GABRA4: variants seen among roughly 807,000 people sequenced by gnomAD.
GABRA4 encodes gamma-aminobutyric acid receptor subunit alpha-4.
In GABRA4, 12 loss-of-function variants were observed where a neutral mutation model predicts 49.7. The observed-to-expected ratio is 0.24, with a 90% CI of 0.15 to 0.39. The LOEUF (loss-of-function observed/expected upper bound fraction) is 0.39. Among genes scored for constraint, GABRA4 ranks in the 10% least tolerant of loss-of-function variants. GABRA4 has a pLI of 1.00. For synonymous variants in GABRA4, 288 were observed against 240.2 expected (o/e 1.20, Z -1.84); for missense variants, 506 against 686.0 (o/e 0.74, Z 2.93).
chr4:46,974,280 C>A lies in GABRA4; in HGVS notation c.673G>T (p.Asp225Tyr). The A allele has an allele frequency of 6.2e-7, 1 of 1,611,528 alleles. No homozygotes were observed. The highest frequency in any genetic ancestry group is 8.5e-7 in the Non-Finnish European group (1 of 1,178,428). The stretch of plus-strand genomic sequence containing the variant: ...CTTGATACGGTTTGCCCAATCAAAT[C>A]ATATTGAACTAAGCTGGAAGACTCC... ...PKESSSLVQY[D>Y]LIGQTVSSET... is the part of the protein sequence containing the mutation. Residue 225 changes from aspartate (D) to tyrosine (Y), a missense_variant, in exon 6 of 9, where the codon GAT becomes TAT. By Grantham distance (160) the Asp-to-Tyr change is radical. Transcript: ENST00000264318.
chr4:46,955,011 T>G (rs180954111), intron 8 of GABRA4, among the ~76,000 whole-genome samples: 2 of 152,228 alleles, frequency 1.3e-5, no homozygotes, highest in East Asian at 2.0e-4. Context: ...GTAAAGCAAC[T>G]AGCACAGTAT....
Position 46,972,892 on chromosome 4 carries a change from C to T in GABRA4, c.721+1340G>A, listed in dbSNP as rs113551741. Reference sequence around the variant, plus strand: ...CAAAAACAAAAAAAAACTTTGTTACCTCACATCTTTGCTCCAGATCTTAAA... The same window carrying T: ...CAAAAACAAAAAAAAACTTTGTTACTTCACATCTTTGCTCCAGATCTTAAA... On this transcript the variant is annotated intron_variant, in intron 6 of 8. Coordinates refer to ENST00000264318, the MANE Select transcript of GABRA4 (RefSeq NM_000809.4). Among the ~76,000 whole-genome samples the T allele has an allele frequency of 1.3e-3, 204 of 151,754 alleles. 1 individual carries two copies. The highest frequency in any genetic ancestry group is 4.6e-3 in the African/African-American group (192 of 41,464).
intron 8 of GABRA4, among the ~76,000 whole-genome samples, chr4:46,933,789 A>T (rs1721520261): frequency 6.6e-6 from 1 of 152,196 alleles, no homozygotes; most frequent in Non-Finnish European, 1.5e-5. Context: ...GGTTTCGAAC[A>T]AGAAAAAGCA....
chr4:46,965,380 G>A, intron 7 of GABRA4, 151 bp from the exon 8 acceptor site: 1 of 573,506 alleles, frequency 1.7e-6, no homozygotes, highest in Non-Finnish European at 2.8e-6. Flanking sequence ...TGGAGAATTG[G>A]AATCTTAGTG....
chr4:46,962,506 C>T (rs943506318), intron 8 of GABRA4, among the ~76,000 whole-genome samples: 4 of 151,758 alleles, frequency 2.6e-5, no homozygotes, highest in African/African-American at 9.7e-5. Flanking sequence ...TTGGAAGAAT[C>T]AATATTAATA....
rs113456537 is a variant in GABRA4, at chr4:46,951,538, T to G, written c.1134+13432A>C. Among the ~76,000 whole-genome samples the G allele has an allele frequency of 2.7e-4, 41 of 152,014 alleles. 1 individual carries two copies. The highest frequency in any genetic ancestry group is 9.9e-4 in the African/African-American group (41 of 41,526). On this transcript the variant is annotated intron_variant, in intron 8 of 8. Transcript: ENST00000264318. ...CTTTGTAATTAAAGAGTTGACTTTC[T>G]GCTTTTTGAATACAGAGTCCTTGCC...
At chr4:46,964,598 T>G (rs1722687353) in intron 8 of GABRA4, among the ~76,000 whole-genome samples, 1 of 151,858 alleles carries the variant, frequency 6.6e-6, no homozygotes. Context: ...AAACAAAAAC[T>G]AACTGCTGCT....
At chr4:46,987,986 T>C (rs1354140121) in intron 2 of GABRA4, among the ~76,000 whole-genome samples, 2 of 152,120 alleles carry the variant, frequency 1.3e-5, no homozygotes, top group African/African-American at 2.4e-5. Context: ...CCCATGAGAT[T>C]CTTCTTCTTG....
chr4:46,986,288 A>G (rs763962862), intron 2 of GABRA4, among the ~76,000 whole-genome samples: 6 of 151,984 alleles, frequency 3.9e-5, no homozygotes, highest in African/African-American at 9.7e-5. Flanking sequence ...AATGCACTCA[A>G]TCAGACTTTC....
At chr4:46,972,959 G>A (rs575429966) in intron 6 of GABRA4, among the ~76,000 whole-genome samples, 16 of 151,706 alleles carry the variant, frequency 1.1e-4, no homozygotes, top group Non-Finnish European at 1.8e-4. Flanking sequence ...ATTTTATCTC[G>A]CAGTCAACAC....
At chr4:46,970,997 G>A (rs946030512) in intron 7 of GABRA4, 86 bp downstream of exon 7, 2 of 1,254,196 alleles carry the variant, frequency 1.6e-6, no homozygotes, top group Non-Finnish European at 2.2e-6. Context: ...GATGTATTAG[G>A]GTTTAAGATT....
intron 2 of GABRA4, among the ~76,000 whole-genome samples, chr4:46,988,747 C>A (rs1353296250): frequency 6.6e-6 from 1 of 152,110 alleles, no homozygotes; most frequent in Admixed American, 6.5e-5. Flanking sequence ...AACTTAGTAG[C>A]AAGAAGGTAT....
rs1163630512 is a variant in GABRA4, at chr4:46,925,293, T to C, written c.*2932A>G. 1 of 151,950 alleles carries C rather than the reference T, an allele frequency of 6.6e-6. No individual in the cohort carries two copies. The highest frequency in any genetic ancestry group is 2.4e-5 in the African/African-American group (1 of 41,406). 9.4% of individuals were successfully genotyped at this position (151,950 alleles called of 1,614,324 possible). On this transcript the variant is annotated 3_prime_UTR_variant, in exon 9 of 9. Transcript: ENST00000264318. ...GTGAGGTCCAATTTAAAATATACATTATTCAAAGTACTATGTATATGCACA... is the reference window on the plus strand; with the variant it reads ...GTGAGGTCCAATTTAAAATATACATCATTCAAAGTACTATGTATATGCACA...
chr4:46,965,264 T>C, intron 7 of GABRA4, 35 bp from the exon 8 acceptor site: 1 of 1,367,678 alleles, frequency 7.3e-7, no homozygotes, highest in Non-Finnish European at 9.5e-7. Flanking sequence ...CAAAACACCT[T>C]ACCATCATTT....
intron 6 of GABRA4, 105 bp from the exon 7 acceptor site, chr4:46,971,340 A>G (rs1381121808): frequency 2.6e-5 from 28 of 1,063,170 alleles, no homozygotes; most frequent in Non-Finnish European, 3.7e-5. Context: ...AAGGAAAGAA[A>G]TTCTCTTTTG....
In GABRA4 at chr4:46,921,597, A is replaced by G. The variant is rs1721037745; in HGVS notation, c.*6628T>C. The G allele has an allele frequency of 6.6e-6, 1 of 152,056 alleles. No individual in the cohort carries two copies. Among genetic ancestry groups the G allele is most frequent in the African/African-American group, 2.4e-5 (1 of 41,434 alleles). The allele number at this position is 152,056 out of a possible 1,614,324, so 9.4% of individuals were successfully genotyped here. ...TAATCTAGGTTTAATGCTTGATTCC[A>G]GTGACATCTGATATACAGAAGGTAA... is the stretch of plus-strand genomic sequence containing the variant. On this transcript the variant is annotated 3_prime_UTR_variant, in exon 9 of 9. Coordinates refer to ENST00000264318, the MANE Select transcript of GABRA4 (RefSeq NM_000809.4).
At chr4:46,957,883 G>A (rs1179583971) in intron 8 of GABRA4, among the ~76,000 whole-genome samples, 2 of 151,858 alleles carry the variant, frequency 1.3e-5, no homozygotes, top group East Asian at 3.9e-4. Flanking sequence ...TAGAATTCAA[G>A]TATAGACTAA....
At position 46,935,248 on chromosome 4, in the gene GABRA4, G is replaced by A. The variant is rs60072057; in HGVS notation, c.1135-6493C>T. ...AGACCTGGTTGCAAATACCGAATTTGTCATTTACTAGCTATGAGATATTCA... is the reference window on the plus strand; with the variant it reads ...AGACCTGGTTGCAAATACCGAATTTATCATTTACTAGCTATGAGATATTCA... On this transcript the variant is annotated intron_variant, in intron 8 of 8. Transcript: ENST00000264318. Among the ~76,000 whole-genome samples, 261 of 152,212 alleles carry A rather than the reference G, an allele frequency of 1.7e-3. 3 individuals are homozygous for A. The highest frequency in any genetic ancestry group is 6.0e-3 in the African/African-American group (249 of 41,526).
intron 8 of GABRA4, among the ~76,000 whole-genome samples, chr4:46,947,830 A>G (rs1195039608): frequency 6.6e-6 from 1 of 152,052 alleles, no homozygotes; most frequent in Non-Finnish European, 1.5e-5. Flanking sequence ...GCTTAAAGCA[A>G]CAGCAATCAT....
Sources: allele counts gnomAD v4.1 joint callset (sites outside exome capture counted in the v4.1 genomes callset), GRCh38; gene constraint gnomAD v4.1.1; transcripts MANE v1.5; gene names NCBI Gene and HGNC (gene_info 2026-07-23, HGNC 2026-07-21).